TRABD2A: variants seen among roughly 807,000 people sequenced by gnomAD.
TRABD2A encodes the protein metalloprotease TIKI1.
Under a neutral mutation model 45.6 loss-of-function variants are expected in TRABD2A, and 43 were observed. That is an observed-to-expected ratio of 0.94 (90% confidence interval 0.74 to 1.22). The LOEUF (loss-of-function observed/expected upper bound fraction) is 1.22. TRABD2A is among the 50% of genes most tolerant of loss of function. The pLI, the probability that TRABD2A is intolerant of heterozygous loss-of-function variation, is 0.00. For synonymous variants in TRABD2A, 269 were observed against 265.0 expected (o/e 1.02, Z -0.15); for missense variants, 642 against 652.4 (o/e 0.98, Z 0.17).
intron 4 of TRABD2A, 126 bp from the exon 5 acceptor site, chr2:84,832,271 C>T (rs1681366292): frequency 1.1e-6 from 1 of 949,162 alleles, no homozygotes; most frequent in African/African-American, 1.6e-5. Context: ...CAGCACAGTA[C>T]AGTTCTAGAG....
chr2:84,841,722 A>G, intron 3 of TRABD2A, 139 bp downstream of exon 3: 2 of 885,242 alleles, frequency 2.3e-6, no homozygotes, highest in South Asian at 3.7e-5. Context: ...TCATTCAATG[A>G]CATCTAAATC....
At chr2:84,824,296 A>G (rs1194157161) in intron 5 of TRABD2A, 92 bp from the exon 6 acceptor site, 1 of 1,515,210 alleles carries the variant, frequency 6.6e-7, no homozygotes, top group East Asian at 2.4e-5. Flanking sequence ...TTTCAAGACA[A>G]AGGCAGATAA....
At chr2:84,833,557 A>G (rs992713736) in intron 4 of TRABD2A, 20 of 151,896 alleles carry the variant, frequency 1.3e-4, no homozygotes, top group African/African-American at 4.6e-4. Context: ...AGTACTTTCC[A>G]TTTTCAGTTA....
At chr2:84,838,142 G>A (rs577682166) in intron 4 of TRABD2A, 34 of 688,468 alleles carry the variant, frequency 4.9e-5, no homozygotes, top group South Asian at 4.6e-4. Context: ...GAGCTTTGGA[G>A]GAACTTTGAA....
At chr2:84,829,966 C>T (rs976735162) in intron 5 of TRABD2A, among the ~76,000 whole-genome samples, 2 of 150,654 alleles carry the variant, frequency 1.3e-5, no homozygotes, top group African/African-American at 4.9e-5. Flanking sequence ...ACACACCCCT[C>T]ACACACACCA....
chr2:84,823,121 A>T (rs1001901325), intron 6 of TRABD2A, among the ~76,000 whole-genome samples: 3 of 152,156 alleles, frequency 2.0e-5, no homozygotes, highest in Non-Finnish European at 2.9e-5. Context: ...ACAAGGTTCC[A>T]CTTTGGCTTC....
chr2:84,830,037 G>A lies in TRABD2A; in HGVS notation c.1082+2018C>T, dbSNP rs965798823. ...TCCACACACATTACACCACACACAC[G>A]TACACACTCCCCAGGTAGGGCCCTC... On this transcript the variant is annotated intron_variant, in intron 5 of 6. Transcript: ENST00000409520. The surrounding 1 kb of genome is among the most constrained non-coding windows in gnomAD (Gnocchi z 4.9). Among the ~76,000 whole-genome samples, 39 of 151,642 alleles carry A rather than the reference G, an allele frequency of 2.6e-4. No homozygotes were observed. Among genetic ancestry groups the A allele is most frequent in the African/African-American group, 8.7e-4 (36 of 41,342 alleles).
Position 84,832,081 on chromosome 2 carries a change from G to C in TRABD2A, c.1056C>G (p.His352Gln). ...TGTGGATGGGTCGTCCAGCAGGGGCGTGTTCTACCTCATAGCCTTCACGCC... is the reference window on the plus strand; with the variant it reads ...TGTGGATGGGTCGTCCAGCAGGGGCCTGTTCTACCTCATAGCCTTCACGCC... ...VLRREGYEVE[H>Q]APAGRPIHKG... The change falls in exon 5 of 7, where the codon CAC becomes CAG. Residue 352 changes from histidine to glutamine, a missense_variant. Coordinates refer to ENST00000409520, the MANE Select transcript of TRABD2A (RefSeq NM_001277053.2). 1.2e-6 allele frequency: 2 copies of C among 1,614,012 alleles called. No individual in the cohort carries two copies. The highest frequency in any genetic ancestry group is 1.7e-6 in the Non-Finnish European group (2 of 1,179,898).
chr2:84,876,177 G>A (rs374853874), intron 1 of TRABD2A, among the ~76,000 whole-genome samples: 5 of 152,166 alleles, frequency 3.3e-5, no homozygotes, highest in African/African-American at 1.2e-4. Flanking sequence ...CAGGTGGTAG[G>A]TGAATATGTA....
chr2:84,851,727 A>G (rs368908254), intron 2 of TRABD2A, among the ~76,000 whole-genome samples: 6 of 152,200 alleles, frequency 3.9e-5, no homozygotes, highest in African/African-American at 1.4e-4. Context: ...TGTCTCCCCC[A>G]TAGAAATACC....
intron 2 of TRABD2A, among the ~76,000 whole-genome samples, chr2:84,869,996 A>C (rs1472264531): frequency 6.6e-6 from 1 of 150,514 alleles, no homozygotes; most frequent in African/African-American, 2.5e-5. Flanking sequence ...AAAAAAGTAC[A>C]CAGTATTTGT....
At chr2:84,866,385 A>G (rs1257703951) in intron 2 of TRABD2A, among the ~76,000 whole-genome samples, 1 of 152,168 alleles carries the variant, frequency 6.6e-6, no homozygotes, top group African/African-American at 2.4e-5. Flanking sequence ...CATGCTAACC[A>G]CATAAAACAG....
intron 2 of TRABD2A, among the ~76,000 whole-genome samples, chr2:84,856,782 C>A (rs1302559541): frequency 1.3e-5 from 2 of 152,154 alleles, no homozygotes; most frequent in African/African-American, 4.8e-5. Flanking sequence ...CAGCTCCAGC[C>A]CTGACTTCCA....
At position 84,842,789 on chromosome 2, in the gene TRABD2A, A is replaced by C. The variant is rs541663377; in HGVS notation, c.670-782T>G. 2.9e-3 allele frequency among the ~76,000 whole-genome samples: 437 copies of C among 152,108 alleles called. 5 individuals are homozygous for C. The highest frequency in any genetic ancestry group is 0.017 in the Middle Eastern group (5 of 294). ...GTTTTAATTTTACAGAACTTCTCAG[A>C]GTCTTTAATATACTAATGTGCGATG... On this transcript the variant is annotated intron_variant, in intron 2 of 6. Coordinates refer to ENST00000409520, the MANE Select transcript of TRABD2A (RefSeq NM_001277053.2).
intron 2 of TRABD2A, among the ~76,000 whole-genome samples, chr2:84,869,973 CAAAAAA>C: frequency 1.3e-5 from 1 of 76,422 alleles, no homozygotes; most frequent in African/African-American, 4.5e-5. Flanking sequence ...GACTCTGTCC[CAAAAAA>C]AAAAAAAAAA....
intron 2 of TRABD2A, among the ~76,000 whole-genome samples, chr2:84,852,459 C>T (rs1023424848): frequency 3.3e-5 from 5 of 151,978 alleles, no homozygotes; most frequent in African/African-American, 4.8e-5. Context: ...CCAGAATGAC[C>T]GCAGAGTTGA....
intron 1 of TRABD2A, among the ~76,000 whole-genome samples, chr2:84,871,780 G>A (rs1383056684): frequency 6.6e-6 from 1 of 152,080 alleles, no homozygotes; most frequent in Non-Finnish European, 1.5e-5. Flanking sequence ...CCATTGCTCC[G>A]GCCACAGAGA....
At chr2:84,860,632 A>G (rs1039524003) in intron 2 of TRABD2A, among the ~76,000 whole-genome samples, 31 of 152,240 alleles carry the variant, frequency 2.0e-4, no homozygotes, top group African/African-American at 6.8e-4. Flanking sequence ...TGATTTCTAC[A>G]TCATCTCCTA....
intron 5 of TRABD2A, among the ~76,000 whole-genome samples, chr2:84,825,925 G>A (rs1020238062): frequency 2.0e-5 from 3 of 152,090 alleles, no homozygotes; most frequent in Non-Finnish European, 1.5e-5. Flanking sequence ...GATATGAGGT[G>A]GAACAGTTTC....
Sources: allele counts gnomAD v4.1 joint callset (sites outside exome capture counted in the v4.1 genomes callset), GRCh38; gene constraint gnomAD v4.1.1; non-coding constraint Gnocchi (gnomAD v3.1); transcripts MANE v1.5; gene names NCBI Gene and HGNC (gene_info 2026-07-23, HGNC 2026-07-21).